The following AGMO variants were observed in gnomAD, a reference collection of about 807,000 sequenced individuals.
AGMO encodes alkylglycerol monooxygenase.
A neutral mutation model predicts 60.2 loss-of-function variants in AGMO; 75 were observed. The observed-to-expected ratio is 1.25, with a 90% CI of 1.03 to 1.51. The LOEUF (loss-of-function observed/expected upper bound fraction) is 1.51, where lower values mean the gene tolerates loss of function less well. Ranked by LOEUF, AGMO falls within the 40% of genes most tolerant of loss-of-function variation. The pLI is 0.00. For synonymous variants in AGMO, 261 were observed against 177.1 expected, an observed-to-expected ratio of 1.47 and a Z score of -3.76; for missense variants, 763 against 525.5, an observed-to-expected ratio of 1.45 and a Z score of -4.42.
At chr7:15,224,679 T>A (rs1782023854) in intron 12 of AGMO, among the ~76,000 whole-genome samples, 1 of 152,066 alleles carries the variant, frequency 6.6e-6, no homozygotes, top group Admixed American at 6.6e-5. Context: ...TGAAACTCTC[T>A]ATGCTTGAAA....
chr7:15,451,155 T>A (rs981872304), intron 3 of AGMO, among the ~76,000 whole-genome samples: 1 of 152,112 alleles, frequency 6.6e-6, no homozygotes, highest in African/African-American at 2.4e-5. Flanking sequence ...AGCCTTTTCA[T>A]TAAGGGAAGC....
chr7:15,441,217 A>G (rs942846397), intron 3 of AGMO, among the ~76,000 whole-genome samples: 3 of 152,206 alleles, frequency 2.0e-5, no homozygotes, highest in African/African-American at 7.2e-5. Context: ...CATAAGGAAA[A>G]CCAGTCCTGT....
intron 3 of AGMO, among the ~76,000 whole-genome samples, chr7:15,497,349 C>A (rs1199478436): frequency 6.6e-6 from 1 of 152,066 alleles, no homozygotes; most frequent in Non-Finnish European, 1.5e-5. Flanking sequence ...GTCCCCCAAG[C>A]CTCATTACTT....
intron 12 of AGMO, among the ~76,000 whole-genome samples, chr7:15,215,215 A>G (rs1337443696): frequency 1.3e-5 from 2 of 152,120 alleles, no homozygotes; most frequent in Non-Finnish European, 2.9e-5. Context: ...AGAAACTTAC[A>G]CAATCCTGAA....
chr7:15,243,671 T>A (rs1011919419), intron 12 of AGMO, among the ~76,000 whole-genome samples: 3 of 152,096 alleles, frequency 2.0e-5, no homozygotes, highest in African/African-American at 7.2e-5. Context: ...AACCATTGAG[T>A]TGTTTAGTCA....
At chr7:15,119,193 G>T in the AGMO span, among the ~76,000 whole-genome samples, 4 of 151,680 alleles carry the variant, frequency 2.6e-5, no homozygotes, top group Admixed American at 6.6e-5. Flanking sequence ...CTGGTCGTGG[G>T]CCCTGGTGAG....
intron 3 of AGMO, among the ~76,000 whole-genome samples, chr7:15,433,843 T>G (rs1781324787): frequency 6.6e-6 from 1 of 152,058 alleles, no homozygotes; most frequent in African/African-American, 2.4e-5. Context: ...TAGTGCCAAA[T>G]GTAATTCTGT....
At chr7:15,295,810 A>G (rs1471990682) in intron 12 of AGMO, among the ~76,000 whole-genome samples, 1 of 152,140 alleles carries the variant, frequency 6.6e-6, no homozygotes, top group Non-Finnish European at 1.5e-5. Context: ...AGCTTTTAAG[A>G]AATGCAATGC....
At chr7:15,378,225 G>A (rs945577945) in intron 10 of AGMO, among the ~76,000 whole-genome samples, 1 of 151,962 alleles carries the variant, frequency 6.6e-6, no homozygotes. Flanking sequence ...TATTTGGACA[G>A]ACAGCACATA....
rs148000461 is a variant in AGMO, at chr7:15,268,795, G to A, written c.1264-67436C>T. Among the ~76,000 whole-genome samples the A allele has an allele frequency of 6.0e-4, 91 of 152,092 alleles. 1 individual carries two copies. The East Asian group carries it at 0.016, about 26-fold the overall frequency. On this transcript the variant is annotated intron_variant, in intron 12 of 12. Coordinates refer to ENST00000342526, the MANE Select transcript of AGMO (RefSeq NM_001004320.2). The stretch of plus-strand genomic sequence containing the variant: ...TAATGTAGGCATTTGGATGAGGCAG[G>A]TGGACTAGACAATGTAAAGATGAAA...
At chr7:15,407,951 C>T (rs1371018592) in intron 5 of AGMO, among the ~76,000 whole-genome samples, 1 of 151,882 alleles carries the variant, frequency 6.6e-6, no homozygotes, top group Non-Finnish European at 1.5e-5. Flanking sequence ...GCTCCTAACT[C>T]TTAACTACCA....
chr7:15,480,645 T>C (rs1333421435), intron 3 of AGMO, among the ~76,000 whole-genome samples: 5 of 152,204 alleles, frequency 3.3e-5, no homozygotes, highest in East Asian at 1.9e-4. Context: ...TGCTTTAAAG[T>C]GTTAAACACG....
the AGMO span, among the ~76,000 whole-genome samples, chr7:15,134,843 C>T: frequency 3.9e-5 from 6 of 151,962 alleles, no homozygotes; most frequent in South Asian, 2.1e-4. Context: ...TTCACATACA[C>T]GTAACTGAGA....
intron 5 of AGMO, among the ~76,000 whole-genome samples, 180 bp from the exon 6 acceptor site, chr7:15,394,359 C>G (rs1784282990): frequency 6.6e-6 from 1 of 152,064 alleles, no homozygotes; most frequent in African/African-American, 2.4e-5. Flanking sequence ...ATAGTAATCT[C>G]AAAACTCTAT....
chr7:15,534,448 A>G (rs1784438111), intron 3 of AGMO, among the ~76,000 whole-genome samples: 1 of 152,066 alleles, frequency 6.6e-6, no homozygotes. Flanking sequence ...GACTTTCTTT[A>G]TAAAAGCAAA....
intron 3 of AGMO, among the ~76,000 whole-genome samples, chr7:15,478,520 T>A (rs1465947161): frequency 2.0e-5 from 3 of 151,870 alleles, no homozygotes; most frequent in African/African-American, 7.3e-5. Flanking sequence ...ACCAGGAGAG[T>A]CCAGCATGTG....
chr7:15,216,828 GAAAAA>G lies in AGMO; in HGVS notation c.1264-15474_1264-15470del, dbSNP rs1563039307. On this transcript the variant is annotated intron_variant, in intron 12 of 12. Coordinates refer to ENST00000342526, the MANE Select transcript of AGMO (RefSeq NM_001004320.2). ...TATAAGTGCAAGAAACAAAGTGAAA[GAAAAA>G]GTGTGTGTGTGTGTGTGTGTGTGTG... is the stretch of plus-strand genomic sequence containing the variant. 4.3e-4 allele frequency among the ~76,000 whole-genome samples: 54 copies of G among 124,402 alleles called. No individual in the cohort carries two copies. The East Asian group carries it at 7.8e-3, about 18-fold the overall frequency. The allele number at this position is 124,402 out of a possible 152,430, so 81.6% of individuals were successfully genotyped here.
intron 12 of AGMO, among the ~76,000 whole-genome samples, chr7:15,361,968 G>A (rs981290729): frequency 6.6e-6 from 1 of 152,082 alleles, no homozygotes; most frequent in Non-Finnish European, 1.5e-5. Context: ...ATAGGAGAAA[G>A]GGGATTTATT....
intron 3 of AGMO, among the ~76,000 whole-genome samples, chr7:15,519,853 C>G (rs994660891): frequency 3.3e-5 from 5 of 151,848 alleles, no homozygotes; most frequent in African/African-American, 1.2e-4. Context: ...TTAAAAGACA[C>G]AGACTGGCAA....
Sources: gnomAD v4.1 joint callset for allele counts (sites outside exome capture counted in the v4.1 genomes callset) on GRCh38, gnomAD v4.1.1 for gene constraint, MANE v1.5 for transcripts, NCBI Gene and HGNC (gene_info 2026-07-23, HGNC 2026-07-21) for gene names.